The following SRBD1 variants were observed in gnomAD, a reference collection of about 807,000 sequenced individuals.
SRBD1 encodes S1 RNA-binding domain-containing protein 1.
SRBD1 carries 88 observed loss-of-function variants against 115.3 expected under a neutral mutation model. The ratio of observed to expected loss-of-function variants is 0.76; its 90% confidence interval spans 0.64 to 0.91. SRBD1 has a LOEUF of 0.91. SRBD1 is among the 40% of genes least tolerant of loss of function. SRBD1 has a pLI of 0.00. For synonymous variants in SRBD1, 509 were observed against 407.7 expected, an observed-to-expected ratio of 1.25 and a Z score of -2.99; for missense variants, 1,385 against 1,177.4, an observed-to-expected ratio of 1.18 and a Z score of -2.58.
In SRBD1 at chr2:45,599,680, G is replaced by A. The variant is rs896348895; in HGVS notation, c.417C>T (p.Thr139=). 3.7e-6 allele frequency: 6 copies of A among 1,614,170 alleles called. No individual in the cohort carries two copies. Among genetic ancestry groups the A allele is most frequent in the East Asian group, 2.2e-5 (1 of 44,880 alleles). ...CACCCTCTAAGTTGCTGGCTTTGCT[G>A]GTTTCTTCTTCAACTTTCAGCTTTT... The part of the protein sequence containing the change: ...RTKKLKVEEE[T]SKASNLEGES... Residue 139 remains threonine (T), a synonymous_variant, in exon 4 of 21, where the codon ACC becomes ACT. Coordinates refer to ENST00000263736, the MANE Select transcript of SRBD1 (RefSeq NM_018079.5).
At chr2:45,597,246 G>A (rs1035104159) in intron 4 of SRBD1, among the ~76,000 whole-genome samples, 7 of 151,898 alleles carry the variant, frequency 4.6e-5, no homozygotes, top group African/African-American at 1.2e-4. Flanking sequence ...TGGTGAAACC[G>A]TGTCTCTACT....
At chr2:45,443,217 G>C (rs1056769693) in intron 16 of SRBD1, among the ~76,000 whole-genome samples, 1 of 152,162 alleles carries the variant, frequency 6.6e-6, no homozygotes. Context: ...GACTTTCTCA[G>C]TATATCAAGA....
rs780349997 is a variant in SRBD1 at position 45,585,672 on chromosome 2, C to A, written c.751G>T (p.Glu251Ter). The change falls in exon 5 of 21, where the codon GAG (glutamate) becomes TAG (stop). Residue 251 changes from glutamate (E) to a stop codon, truncating the protein, a stop_gained. Coordinates refer to ENST00000263736, the MANE Select transcript of SRBD1 (RefSeq NM_018079.5). LOFTEE classifies it high-confidence loss of function. ...TCAGCATCAAGGTTATTAATGAGCT[C>A]TTTTCTATAACGTATAATGAAGGGA... ...TIPFIIRYRK[E>*]LINNLDADSL... 6.2e-7 allele frequency: 1 copy of A among 1,612,550 alleles called. No individual in the cohort carries two copies. The highest frequency in any genetic ancestry group is 1.1e-5 in the South Asian group (1 of 90,702).
intron 1 of SRBD1, among the ~76,000 whole-genome samples, chr2:45,609,476 G>A (rs577511570): frequency 1.3e-5 from 2 of 152,248 alleles, no homozygotes; most frequent in African/African-American, 2.4e-5. Flanking sequence ...ATCAACTCAA[G>A]ATCATTTAGA....
intron 16 of SRBD1, 99 bp downstream of exon 16, chr2:45,476,894 G>T: frequency 9.5e-7 from 1 of 1,048,762 alleles, no homozygotes; most frequent in South Asian, 1.4e-5. Flanking sequence ...CCTTGAAAAT[G>T]GGAATCTACT....
chr2:45,406,725 A>G (rs1303908002), intron 19 of SRBD1, among the ~76,000 whole-genome samples: 1 of 152,224 alleles, frequency 6.6e-6, no homozygotes, highest in Non-Finnish European at 1.5e-5. Context: ...ACTCTAGAGA[A>G]GAATCCATTT....
chr2:45,417,998 A>G (rs1374223742), intron 18 of SRBD1, among the ~76,000 whole-genome samples: 1 of 152,204 alleles, frequency 6.6e-6, no homozygotes, highest in African/African-American at 2.4e-5. Context: ...ATTTCATTCA[A>G]AACTCTGCTC....
chr2:45,596,345 A>C (rs999658887), intron 4 of SRBD1, among the ~76,000 whole-genome samples: 6 of 152,218 alleles, frequency 3.9e-5, no homozygotes, highest in Admixed American at 3.9e-4. Flanking sequence ...TTTTAGTGAC[A>C]TTACAGAACG....
chr2:45,396,424 C>G (rs957176532), intron 19 of SRBD1, among the ~76,000 whole-genome samples: 1 of 152,134 alleles, frequency 6.6e-6, no homozygotes, highest in Non-Finnish European at 1.5e-5. Context: ...GTCATATTCT[C>G]ATTTTCTCCA....
intron 2 of SRBD1, among the ~76,000 whole-genome samples, chr2:45,604,419 C>T (rs1674200758): frequency 6.6e-6 from 1 of 151,894 alleles, no homozygotes; most frequent in South Asian, 2.1e-4. Flanking sequence ...TAGAATTAAG[C>T]CTTGAGGGAT....
At chr2:45,472,304 G>A (rs1331335526) in intron 16 of SRBD1, among the ~76,000 whole-genome samples, 2 of 152,134 alleles carry the variant, frequency 1.3e-5, no homozygotes, top group East Asian at 1.9e-4. Flanking sequence ...TGTTGTCTGG[G>A]GCTGGTAAAG....
intron 16 of SRBD1, among the ~76,000 whole-genome samples, chr2:45,436,726 T>C (rs1315219027): frequency 6.6e-6 from 1 of 152,162 alleles, no homozygotes; most frequent in Admixed American, 6.5e-5. Flanking sequence ...CATGATCCAA[T>C]CACCTCTCAC....
chr2:45,599,944 G>C, intron 3 of SRBD1, 109 bp from the exon 4 acceptor site: 7 of 1,262,650 alleles, frequency 5.5e-6, no homozygotes, highest in Non-Finnish European at 7.5e-6. Flanking sequence ...ACAATAACTT[G>C]GAAGAATCTC....
chr2:45,559,749 G>A (rs76394017), intron 10 of SRBD1, among the ~76,000 whole-genome samples: 7,531 of 152,214 alleles, frequency 0.049, 637 homozygotes, highest in African/African-American at 0.17. Flanking sequence ...TCCTAGAAAA[G>A]TGTTTCAGCT....
intron 4 of SRBD1, among the ~76,000 whole-genome samples, chr2:45,587,626 A>T (rs1240297449): frequency 6.6e-6 from 1 of 152,212 alleles, no homozygotes; most frequent in African/African-American, 2.4e-5. Flanking sequence ...GAATTTCAAG[A>T]CTACATATGA....
intron 16 of SRBD1, among the ~76,000 whole-genome samples, chr2:45,453,121 T>C (rs1669045019): frequency 6.6e-6 from 1 of 151,914 alleles, no homozygotes; most frequent in African/African-American, 2.4e-5. Context: ...TGACCTCTGA[T>C]GAGATGCTTG....
At chr2:45,533,516 A>G (rs1452674450) in intron 14 of SRBD1, among the ~76,000 whole-genome samples, 7 of 152,050 alleles carry the variant, frequency 4.6e-5, no homozygotes, top group African/African-American at 1.7e-4. Flanking sequence ...TGAACTCTCT[A>G]ACAGAAAATA....
intron 14 of SRBD1, among the ~76,000 whole-genome samples, chr2:45,490,067 T>A (rs927908484): frequency 3.7e-4 from 56 of 152,232 alleles, no homozygotes; most frequent in African/African-American, 1.3e-3. Context: ...GCTTCAAAAT[T>A]AAAAGGTAAT....
chr2:45,417,882 G>A (rs1355318650), intron 18 of SRBD1, among the ~76,000 whole-genome samples: 1 of 152,130 alleles, frequency 6.6e-6, no homozygotes, highest in Non-Finnish European at 1.5e-5. Context: ...AATTGTGTGG[G>A]CCTTTGCCTC....
Sources: gnomAD v4.1 joint callset for allele counts (sites outside exome capture counted in the v4.1 genomes callset) on GRCh38, gnomAD v4.1.1 for gene constraint, MANE v1.5 for transcripts, NCBI Gene and HGNC (gene_info 2026-07-23, HGNC 2026-07-21) for gene names.